The following CNTNAP5 variants were observed in gnomAD, a reference collection of about 807,000 sequenced individuals.
The protein encoded by CNTNAP5 is contactin associated protein family member 5, also known as contactin-associated protein-like 5.
A neutral mutation model predicts 150.2 loss-of-function variants in CNTNAP5; 72 were observed. The observed-to-expected ratio is 0.48, with a 90% CI of 0.40 to 0.58. CNTNAP5 has a LOEUF of 0.58. CNTNAP5 is among the 20% of genes least tolerant of loss of function. The pLI is 0.00. For synonymous variants in CNTNAP5, 672 were observed against 619.8 expected, an observed-to-expected ratio of 1.08 and a Z score of -1.25; for missense variants, 1,636 against 1,626.2, an observed-to-expected ratio of 1.01 and a Z score of -0.10.
chr2:124,560,969 C>CA lies in CNTNAP5; in HGVS notation c.1650-2237dup, dbSNP rs535615148. On this transcript the variant is annotated intron_variant, in intron 10 of 23. Transcript: ENST00000682447. ...TGAACTTTCTTGGGGCCCAAAACAACAAAAAAAAAAACTACAGAATAAGCA... is the reference window on the plus strand; with the variant it reads ...TGAACTTTCTTGGGGCCCAAAACAACAAAAAAAAAAAACTACAGAATAAGCA... Among the ~76,000 whole-genome samples, 571 of 146,570 alleles carry CA rather than the reference C, an allele frequency of 3.9e-3. 3 individuals carry two copies. The highest frequency in any genetic ancestry group is 0.01 in the African/African-American group (409 of 40,026).
At chr2:124,252,446 C>T (rs1279822376) in intron 3 of CNTNAP5, among the ~76,000 whole-genome samples, 1 of 152,064 alleles carries the variant, frequency 6.6e-6, no homozygotes, top group African/African-American at 2.4e-5. Context: ...GGGTGATGAC[C>T]CACCACCCTG....
intron 3 of CNTNAP5, among the ~76,000 whole-genome samples, chr2:124,365,515 T>G (rs2104720557): frequency 6.6e-6 from 1 of 152,286 alleles, no homozygotes; most frequent in African/African-American, 2.4e-5. Context: ...TCACAAACTA[T>G]TGGTGCTACA....
chr2:124,668,511 G>A (rs927404051), intron 13 of CNTNAP5, among the ~76,000 whole-genome samples: 3 of 152,094 alleles, frequency 2.0e-5, no homozygotes, highest in Non-Finnish European at 4.4e-5. Context: ...TATTTACCAA[G>A]CCTTGCCAAG....
At chr2:124,540,159 T>C (rs1031984522) in intron 10 of CNTNAP5, among the ~76,000 whole-genome samples, 10 of 152,290 alleles carry the variant, frequency 6.6e-5, no homozygotes, top group African/African-American at 2.4e-4. Context: ...TATGACAAAA[T>C]GTTAGAATCA....
At chr2:124,153,859 C>A (rs139982965) in intron 1 of CNTNAP5, among the ~76,000 whole-genome samples, 1 of 151,758 alleles carries the variant, frequency 6.6e-6, no homozygotes, top group Non-Finnish European at 1.5e-5. Context: ...TTGATCCACC[C>A]GCCTCGGCCT....
chr2:124,359,347 C>G (rs913871604), intron 3 of CNTNAP5, among the ~76,000 whole-genome samples: 3 of 151,458 alleles, frequency 2.0e-5, no homozygotes, highest in Admixed American at 6.6e-5. Flanking sequence ...CTTCTGCTAG[C>G]TTTTGAATGT....
chr2:124,258,264 C>G lies in CNTNAP5; in HGVS notation c.381+15871C>G, dbSNP rs907694539. Among the ~76,000 whole-genome samples the G allele has an allele frequency of 7.2e-5, 11 of 152,230 alleles. No homozygotes were observed. In the South Asian group the frequency reaches 1.0e-3, roughly 14 times the overall value. On this transcript the variant is annotated intron_variant, in intron 3 of 23. Coordinates refer to ENST00000682447, the MANE Select transcript of CNTNAP5 (RefSeq NM_001367498.1). ...ACCTCATTAATTTGTTCCCAGCCAACAGTTTTCAAAGATTAGCCACATAAT... is the reference window on the plus strand; with the variant it reads ...ACCTCATTAATTTGTTCCCAGCCAAGAGTTTTCAAAGATTAGCCACATAAT...
chr2:124,200,408 T>A (rs192843840), intron 1 of CNTNAP5, among the ~76,000 whole-genome samples: 126 of 152,278 alleles, frequency 8.3e-4, no homozygotes, highest in African/African-American at 2.8e-3. Flanking sequence ...TTCCCTTTTA[T>A]CTTGGTTTTC....
At chr2:124,580,306 T>C (rs138748887) in intron 11 of CNTNAP5, among the ~76,000 whole-genome samples, 3 of 152,350 alleles carry the variant, frequency 2.0e-5, no homozygotes, top group African/African-American at 7.2e-5. Flanking sequence ...GGCTTCTCTG[T>C]AAGTTGTCAA....
intron 11 of CNTNAP5, among the ~76,000 whole-genome samples, chr2:124,582,603 T>A (rs1015031364): frequency 5.9e-5 from 9 of 152,076 alleles, no homozygotes; most frequent in Non-Finnish European, 1.0e-4. Context: ...TTGGAAATGA[T>A]CCAGTTCTGA....
intron 3 of CNTNAP5, among the ~76,000 whole-genome samples, chr2:124,406,186 A>G (rs1691566148): frequency 6.6e-6 from 1 of 152,228 alleles, no homozygotes. Context: ...AATTGTGGTT[A>G]AAAAACAAAC....
chr2:124,226,164 T>G (rs946051150), intron 2 of CNTNAP5, among the ~76,000 whole-genome samples: 1 of 144,110 alleles, frequency 6.9e-6, no homozygotes, highest in Non-Finnish European at 1.5e-5. Context: ...TGGTAGTTTC[T>G]TTTTTTTTTT....
intron 13 of CNTNAP5, among the ~76,000 whole-genome samples, chr2:124,669,335 T>G (rs182288655): frequency 2.4e-4 from 37 of 152,352 alleles, no homozygotes; most frequent in Admixed American, 1.4e-3. Context: ...TCTTGATTAG[T>G]GGCATTTGAC....
At chr2:124,646,707 G>GT (rs1361400608) in intron 12 of CNTNAP5, among the ~76,000 whole-genome samples, 1 of 152,156 alleles carries the variant, frequency 6.6e-6, no homozygotes, top group African/African-American at 2.4e-5. Flanking sequence ...TTGCAACTTT[G>GT]TATTTGTGGT....
At chr2:124,104,812 A>G (rs1683140388) in intron 1 of CNTNAP5, among the ~76,000 whole-genome samples, 1 of 152,194 alleles carries the variant, frequency 6.6e-6, no homozygotes, top group Non-Finnish European at 1.5e-5. Flanking sequence ...TCAAAACAGC[A>G]TAGGAGCCTA....
chr2:124,813,298 C>T (rs1390443154), intron 19 of CNTNAP5, among the ~76,000 whole-genome samples: 1 of 151,802 alleles, frequency 6.6e-6, no homozygotes, highest in East Asian at 1.9e-4. Flanking sequence ...AGGATGGTCT[C>T]GATCTCCTGA....
chr2:124,166,346 C>G (rs914293251), intron 1 of CNTNAP5, among the ~76,000 whole-genome samples: 1 of 152,116 alleles, frequency 6.6e-6, no homozygotes, highest in Admixed American at 6.6e-5. Flanking sequence ...TTAGAGCCAG[C>G]AGGAATCTGA....
chr2:124,037,731 G>T (rs1038730936), intron 1 of CNTNAP5, among the ~76,000 whole-genome samples: 2 of 152,176 alleles, frequency 1.3e-5, no homozygotes, highest in African/African-American at 4.8e-5. Context: ...GTTTCACTTA[G>T]AAAGGCGGAA....
At chr2:124,840,382 G>A (rs770159197) in intron 19 of CNTNAP5, among the ~76,000 whole-genome samples, 3 of 152,002 alleles carry the variant, frequency 2.0e-5, no homozygotes, top group African/African-American at 4.8e-5. Context: ...CCTCTCTCTC[G>A]CCATTGCATA....
Sources: allele counts gnomAD v4.1 joint callset (sites outside exome capture counted in the v4.1 genomes callset), GRCh38; gene constraint gnomAD v4.1.1; transcripts MANE v1.5; gene names NCBI Gene and HGNC (gene_info 2026-07-23, HGNC 2026-07-21).